The following COL20A1 variants were observed in gnomAD, a reference collection of about 807,000 sequenced individuals.
COL20A1 encodes the protein collagen type XX alpha 1 chain.
In COL20A1, 164 loss-of-function variants were observed where a neutral mutation model predicts 152.9. The ratio of observed to expected loss-of-function variants is 1.07; its 90% confidence interval spans 0.94 to 1.22. COL20A1 has a LOEUF of 1.22. Ranked by LOEUF, COL20A1 falls within the 50% of genes most tolerant of loss-of-function variation. The probability of loss-of-function intolerance (pLI) is 0.00; values close to 1 mark genes in which losing one functional copy is unlikely to be tolerated. For missense variants in COL20A1, 1,873 were observed against 1,744.8 expected (o/e 1.07, Z -1.31); for synonymous variants, 864 against 756.0 (o/e 1.14, Z -2.34).
Position 63,319,685 on chromosome 20 carries a change from T to C in COL20A1, c.2916+89T>C. ...GGGACCTGCCGGATGCCAACTCCTC[T>C]CCCTAGGAGAGCAGGACCTTCCTTG... On this transcript the variant is annotated intron_variant, in intron 23 of 35. Coordinates refer to ENST00000358894, the MANE Select transcript of COL20A1 (RefSeq NM_020882.4). This position sits in a 1 kb window ranked among gnomAD's most constrained non-coding sequence, Gnocchi z 4.4. 1.2e-5 allele frequency: 10 copies of C among 837,710 alleles called. 1 individual carries two copies. The South Asian group carries it at 1.6e-4, about 13-fold the overall frequency. The allele number at this position is 837,710 out of a possible 1,614,324, so 51.9% of individuals were successfully genotyped here.
Position 63,313,080 on chromosome 20 carries a change from C to G in COL20A1, c.2077-37C>G, listed in dbSNP as rs1371877537. The G allele has an allele frequency of 1.3e-6, 2 of 1,587,996 alleles. No individual in the cohort carries two copies. Among genetic ancestry groups the G allele is most frequent in the Non-Finnish European group, 1.7e-6 (2 of 1,167,736 alleles). ...CCGGCCCCCCAACCTGAGGACCCCACTGCACCCGGTGACCCCTGGGGCTCT... is the reference window on the plus strand; with the variant it reads ...CCGGCCCCCCAACCTGAGGACCCCAGTGCACCCGGTGACCCCTGGGGCTCT... On this transcript the variant is annotated intron_variant, in intron 16 of 35. Coordinates refer to ENST00000358894, the MANE Select transcript of COL20A1 (RefSeq NM_020882.4). This position sits in a 1 kb window ranked among gnomAD's most constrained non-coding sequence, Gnocchi z 5.9.
chr20:63,305,825 C>T lies in COL20A1; in HGVS notation c.338-56C>T. ...CTTGAAGGGGTGTATGTGCAGCTGC[C>T]CCAGTGGACCAGGCCCTCCACTCCC... On this transcript the variant is annotated intron_variant, in intron 4 of 35. Coordinates refer to ENST00000358894, the MANE Select transcript of COL20A1 (RefSeq NM_020882.4). The surrounding 1 kb of genome is among the most constrained non-coding windows in gnomAD (Gnocchi z 4.9). The T allele has an allele frequency of 1.3e-6, 2 of 1,556,134 alleles. No homozygotes were observed. The highest frequency in any genetic ancestry group is 1.8e-6 in the Non-Finnish European group (2 of 1,130,368).
intron 6 of COL20A1, 109 bp downstream of exon 6, chr20:63,307,757 C>T (rs2123392693): frequency 7.5e-7 from 1 of 1,334,734 alleles, no homozygotes; most frequent in Non-Finnish European, 1.0e-6. Flanking sequence ...GGGCTCTCAC[C>T]TTGTGGGGTG....
At position 63,307,538 on chromosome 20, in the gene COL20A1, TC is replaced by T. The variant is rs2067942348; in HGVS notation, c.547del (p.Leu183TrpfsTer36). The T allele has an allele frequency of 6.2e-7, 1 of 1,612,494 alleles. No homozygotes were observed. The highest frequency in any genetic ancestry group is 8.5e-7 in the Non-Finnish European group (1 of 1,179,716). On this transcript the variant is annotated frameshift_variant, in exon 6 of 36. Coordinates refer to ENST00000358894, the MANE Select transcript of COL20A1 (RefSeq NM_020882.4). LOFTEE classifies it high-confidence loss of function. The part of the protein sequence containing the change: ...CLPPVPADMV[F>X]LVDGSWSIGH... ...CCCCCCGTGCCTGCTGACATGGTCT[TC>T]CTGGTGGACGGGTCCTGGAGCATTG...
rs577628726 is a variant in COL20A1, at chr20:63,330,078, G to A, written c.*3+417G>A. Among the ~76,000 whole-genome samples the A allele has an allele frequency of 2.6e-5, 4 of 152,274 alleles. No individual in the cohort carries two copies. In the East Asian group the frequency reaches 5.8e-4, roughly 22 times the overall value. On this transcript the variant is annotated intron_variant, in intron 35 of 35. Coordinates refer to ENST00000358894, the MANE Select transcript of COL20A1 (RefSeq NM_020882.4). The stretch of plus-strand genomic sequence containing the variant: ...GGGAAAGCTCACAGGAGTCCCAGGA[G>A]GGGCCTGTGAGGCCCTGGGTATGTC...
Position 63,305,030 on chromosome 20 carries a change from G to T in COL20A1, c.194-387G>T, listed in dbSNP as rs368231776. Among the ~76,000 whole-genome samples the T allele has an allele frequency of 4.6e-5, 7 of 152,302 alleles. No homozygotes were observed. The highest frequency in any genetic ancestry group is 1.4e-4 in the African/African-American group (6 of 41,546). ...CGTGCAGCCCATAGGGTAGGAGCCT[G>T]TGGGAGTGGGCAGGGCCCTGGCCCC... On this transcript the variant is annotated intron_variant, in intron 3 of 35. Transcript: ENST00000358894. This position sits in a 1 kb window ranked among gnomAD's most constrained non-coding sequence, Gnocchi z 4.9.
In COL20A1 at chr20:63,309,424, C is replaced by T. The variant is rs370751464; in HGVS notation, c.1032C>T (p.Leu344=). The T allele has an allele frequency of 1.2e-5, 18 of 1,550,408 alleles. No homozygotes were observed. Among genetic ancestry groups the T allele is most frequent in the African/African-American group, 4.1e-5 (3 of 73,118 alleles). ...ACAGCGTGCTGGACTTCCTGCAGCT[C>T]GGCGCGCTGGCTGGCCTGCTCAGCC... ...TVHSVLDFLQ[L]GALAGLLSRL... is the part of the protein sequence containing the mutation. Residue 344 remains leucine, a synonymous_variant, in exon 9 of 36, where the codon CTC becomes CTT. Coordinates refer to ENST00000358894, the MANE Select transcript of COL20A1 (RefSeq NM_020882.4).
chr20:63,328,169 A>G, intron 33 of COL20A1, 42 bp downstream of exon 33: 1 of 1,604,294 alleles, frequency 6.2e-7, no homozygotes, highest in Non-Finnish European at 8.5e-7. Flanking sequence ...GCAGCCCTGC[A>G]CCTGTGCCTA....
In COL20A1 at chr20:63,334,732, A is replaced by C. The variant is rs949462170; in HGVS notation, c.*4016A>C. The C allele has an allele frequency of 6.6e-6, 1 of 152,268 alleles. No homozygotes were observed. The highest frequency in any genetic ancestry group is 6.5e-5 in the Admixed American group (1 of 15,288). 9.4% of individuals were successfully genotyped at this position (152,268 alleles called of 1,614,324 possible). On this transcript the variant is annotated 3_prime_UTR_variant, in exon 36 of 36. Transcript: ENST00000358894. ...AGTCACCTCACCGGCCCTTAAACAC[A>C]GTTTTTAGGGAAGATTCCAACTCAA...
Position 63,320,369 on chromosome 20 carries a change from G to C in COL20A1, c.3153+1G>C. ...CCGGTGCTGTGAGCTCCCTGCCTCG[G>C]TGTGCCCCGTCCCTTGCCCCTGTTC... On this transcript the variant is annotated splice_donor_variant, in intron 25 of 35. Transcript: ENST00000358894. LOFTEE classifies it high-confidence loss of function. The C allele has an allele frequency of 1.2e-6, 2 of 1,610,842 alleles. No individual in the cohort carries two copies. Among genetic ancestry groups the C allele is most frequent in the Non-Finnish European group, 1.7e-6 (2 of 1,179,752 alleles).
chr20:63,321,579 G>A (rs2068163601), intron 26 of COL20A1, among the ~76,000 whole-genome samples: 1 of 152,220 alleles, frequency 6.6e-6, no homozygotes, highest in Non-Finnish European at 1.5e-5. Context: ...CTGGGTGCTG[G>A]CAGCCTAGCT....
In COL20A1 at chr20:63,312,505, A is replaced by G; in HGVS notation, c.1889A>G (p.Tyr630Cys). The change falls in exon 15 of 36, where the codon TAC becomes TGC. Residue 630 changes from tyrosine (Y) to cysteine (C), a missense_variant. Physicochemically the swap from Tyr to Cys is radical, Grantham distance 194 (BLOSUM62 -2). Transcript: ENST00000358894. ...TACACTGTCCGTGTCACCTGCCTCTACCCTGGGGGTGGCTCCTCTACGCTG... is the reference window on the plus strand; with the variant it reads ...TACACTGTCCGTGTCACCTGCCTCTGCCCTGGGGGTGGCTCCTCTACGCTG... ...TTYTVRVTCLYPGGGSSTLTG... is the reference protein window; with the variant it reads ...TTYTVRVTCLCPGGGSSTLTG... 1.2e-6 allele frequency: 2 copies of G among 1,607,138 alleles called. No homozygotes were observed. Among genetic ancestry groups the G allele is most frequent in the Non-Finnish European group, 1.7e-6 (2 of 1,178,042 alleles).
At position 63,319,032 on chromosome 20, in the gene COL20A1, G is replaced by A; in HGVS notation, c.2664-26G>A. 1.3e-6 allele frequency: 2 copies of A among 1,588,130 alleles called. No homozygotes were observed. Among genetic ancestry groups the A allele is most frequent in the Non-Finnish European group, 1.7e-6 (2 of 1,158,034 alleles). ...TGGCTGCCCTTGGGTCTGCTCATGT[G>A]CCTCTCCCTCCCCCAACCCCCACAG... On this transcript the variant is annotated intron_variant, in intron 21 of 35. Coordinates refer to ENST00000358894, the MANE Select transcript of COL20A1 (RefSeq NM_020882.4). The surrounding 1 kb of genome is among the most constrained non-coding windows in gnomAD (Gnocchi z 4.4).
Position 63,326,755 on chromosome 20 carries a change from T to G in COL20A1, c.3460T>G (p.Phe1154Val), listed in dbSNP as rs779181700. Residue 1154 changes from phenylalanine (F) to valine (V), a missense_variant, in exon 31 of 36, where the codon TTC becomes GTC. Physicochemically the swap from Phe to Val is conservative, Grantham distance 50. Transcript: ENST00000358894. Reference sequence around the variant, plus strand: ...CCTGACTTCTGTGTCTATGCAGGGGTTCCAGGGCATGGCAGGGGCCAGGGG... The same window carrying G: ...CCTGACTTCTGTGTCTATGCAGGGGGTCCAGGGCATGGCAGGGGCCAGGGG... Reference protein sequence around the residue: ...GLPGPPGPRGFQGMAGARGTS... With the variant: ...GLPGPPGPRGVQGMAGARGTS... The G allele has an allele frequency of 2.5e-5, 37 of 1,466,058 alleles. No individual in the cohort carries two copies. The African/African-American group carries it at 3.4e-4, about 14-fold the overall frequency. The allele number at this position is 1,466,058 out of a possible 1,614,324, so 90.8% of individuals were successfully genotyped here.
At chr20:63,293,706 C>T (rs1205131099) in intron 1 of COL20A1, among the ~76,000 whole-genome samples, 3 of 152,088 alleles carry the variant, frequency 2.0e-5, no homozygotes, top group Non-Finnish European at 2.9e-5. Flanking sequence ...GGGAGCCCAG[C>T]CCTCAGGTGC....
Position 63,309,490 on chromosome 20 carries a change from G to A in COL20A1, c.1098G>A (p.Gln366=). ...CQRLQGGSPR[Q]GPAAAPALDT... is the part of the protein sequence containing the mutation. ...GGCTCCAGGGTGGGAGCCCGCGGCA[G>A]GGCCCAGGTGAGGGGCAGGGTCACC... Residue 366 remains glutamine (Q), a synonymous_variant, in exon 9 of 36, where the codon CAG becomes CAA. Transcript: ENST00000358894. 1 of 1,518,138 alleles carries A rather than the reference G, an allele frequency of 6.6e-7. No homozygotes were observed. The highest frequency in any genetic ancestry group is 8.9e-7 in the Non-Finnish European group (1 of 1,129,252). The allele number at this position is 1,518,138 out of a possible 1,614,324, so 94.0% of individuals were successfully genotyped here.
At chr20:63,325,315 G>A in intron 27 of COL20A1, 126 bp from the exon 28 acceptor site, 3 of 764,336 alleles carry the variant, frequency 3.9e-6, no homozygotes, top group Non-Finnish European at 7.0e-6. Flanking sequence ...GGTCCTGGAG[G>A]CCAGCAGGGC....
chr20:63,302,752 T>G (rs144961858), intron 3 of COL20A1, among the ~76,000 whole-genome samples: 197 of 152,336 alleles, frequency 1.3e-3, no homozygotes, highest in African/African-American at 4.6e-3. Flanking sequence ...TCCTTGACAT[T>G]TATTTGTAGA....
At chr20:63,315,272 T>C (rs2068069530) in intron 19 of COL20A1, 132 bp from the exon 20 acceptor site, 1 of 896,712 alleles carries the variant, frequency 1.1e-6, no homozygotes, top group Non-Finnish European at 1.8e-6. Flanking sequence ...AGATGGGACA[T>C]AGCACAGTCC....
Sources: allele counts gnomAD v4.1 joint callset (sites outside exome capture counted in the v4.1 genomes callset), GRCh38; gene constraint gnomAD v4.1.1; non-coding constraint Gnocchi (gnomAD v3.1); transcripts MANE v1.5; gene names NCBI Gene and HGNC (gene_info 2026-07-23, HGNC 2026-07-21).